CADM2: variants seen among roughly 807,000 people sequenced by gnomAD.
The protein encoded by CADM2 is immunoglobulin superfamily member 4D.
CADM2 carries 12 observed loss-of-function variants against 49.8 expected under a neutral mutation model. The observed-to-expected ratio is 0.24, with a 90% confidence interval of 0.15 to 0.39. CADM2 has a LOEUF of 0.39. Among genes scored for constraint, CADM2 ranks in the 10% least tolerant of loss-of-function variants. The probability of loss-of-function intolerance (pLI) is 1.00; values close to 1 mark genes in which losing one functional copy is unlikely to be tolerated. For synonymous variants in CADM2, 214 were observed against 175.4 expected, an observed-to-expected ratio of 1.22 and a Z score of -1.74; for missense variants, 378 against 492.3, an observed-to-expected ratio of 0.77 and a Z score of 2.20.
chr3:85,580,834 G>A (rs2107293606), intron 1 of CADM2, among the ~76,000 whole-genome samples: 1 of 152,140 alleles, frequency 6.6e-6, no homozygotes, highest in Non-Finnish European at 1.5e-5. Flanking sequence ...TTTCACTTGT[G>A]ATAATTAAGT....
intron 1 of CADM2, among the ~76,000 whole-genome samples, chr3:85,370,225 A>AATAATC (rs2033116509): frequency 6.9e-6 from 1 of 144,788 alleles, no homozygotes; most frequent in African/African-American, 2.5e-5. Flanking sequence ...AAATAATAAT[A>AATAATC]ATAATAATAA....
chr3:85,066,110 A>G (rs2036520720), intron 1 of CADM2, among the ~76,000 whole-genome samples: 1 of 152,154 alleles, frequency 6.6e-6, no homozygotes, highest in African/African-American at 2.4e-5. Context: ...CGTAAGAGAC[A>G]CAGAGCAACC....
chr3:85,927,268 G>A (rs929028904), intron 6 of CADM2, among the ~76,000 whole-genome samples: 3 of 152,040 alleles, frequency 2.0e-5, no homozygotes, highest in African/African-American at 7.2e-5. Flanking sequence ...TTACTTAATT[G>A]AGGTCCAGTA....
chr3:85,393,659 T>C (rs1011069677), intron 1 of CADM2, among the ~76,000 whole-genome samples: 2 of 152,122 alleles, frequency 1.3e-5, no homozygotes, highest in African/African-American at 4.8e-5. Flanking sequence ...AATATTGAAC[T>C]TGTCTTTAAA....
At chr3:85,120,133 G>A (rs1370930778) in intron 1 of CADM2, among the ~76,000 whole-genome samples, 1 of 152,182 alleles carries the variant, frequency 6.6e-6, no homozygotes, top group Non-Finnish European at 1.5e-5. Context: ...AAACCACAAT[G>A]AGATATCATC....
intron 1 of CADM2, among the ~76,000 whole-genome samples, chr3:85,504,089 G>A (rs2040220959): frequency 6.6e-6 from 1 of 152,146 alleles, no homozygotes; most frequent in Admixed American, 6.5e-5. Context: ...TGACCCTCGC[G>A]GTGAGTGTTA....
chr3:84,994,751 GGGC>G (rs2033082935), intron 1 of CADM2, among the ~76,000 whole-genome samples: 1 of 152,110 alleles, frequency 6.6e-6, no homozygotes, highest in Non-Finnish European at 1.5e-5. Flanking sequence ...GTGTTCGGCT[GGGC>G]GTGGTGCCTC....
chr3:85,244,430 A>G lies in CADM2; in HGVS notation c.61+284762A>G, dbSNP rs557809250. ...TCTTTCTATTTATATGTATTTGAGAACTTCAGGTTAAATAACATTAGATAA... is the reference window on the plus strand; with the variant it reads ...TCTTTCTATTTATATGTATTTGAGAGCTTCAGGTTAAATAACATTAGATAA... On this transcript the variant is annotated intron_variant, in intron 1 of 9. Coordinates refer to ENST00000383699, the MANE Select transcript of CADM2 (RefSeq NM_001167675.2). Among the ~76,000 whole-genome samples, 3 of 152,320 alleles carry G rather than the reference A, an allele frequency of 2.0e-5. No homozygotes were observed. In the East Asian group the frequency reaches 5.8e-4, roughly 29 times the overall value.
At chr3:85,700,688 T>G (rs545864469) in intron 1 of CADM2, among the ~76,000 whole-genome samples, 8 of 152,270 alleles carry the variant, frequency 5.3e-5, no homozygotes, top group Non-Finnish European at 1.0e-4. Flanking sequence ...GCTTCTTTGC[T>G]AAAATGTATT....
intron 1 of CADM2, among the ~76,000 whole-genome samples, chr3:85,400,035 A>T (rs1559820470): frequency 6.6e-6 from 1 of 152,132 alleles, no homozygotes; most frequent in African/African-American, 2.4e-5. Flanking sequence ...CCAGTTTTCA[A>T]AGGCAATGCT....
intron 5 of CADM2, among the ~76,000 whole-genome samples, chr3:85,903,518 C>A (rs1288936029): frequency 1.3e-5 from 2 of 152,016 alleles, no homozygotes; most frequent in South Asian, 4.2e-4. Flanking sequence ...GATATGCTAC[C>A]CAACTACCTT....
chr3:85,545,414 A>C (rs1449625149), intron 1 of CADM2, among the ~76,000 whole-genome samples: 1 of 152,198 alleles, frequency 6.6e-6, no homozygotes, highest in African/African-American at 2.4e-5. Flanking sequence ...TATATAGGAA[A>C]ATTTTAGCTT....
chr3:85,431,125 C>A (rs997482723), intron 1 of CADM2, among the ~76,000 whole-genome samples: 3 of 152,052 alleles, frequency 2.0e-5, no homozygotes, highest in Non-Finnish European at 4.4e-5. Context: ...GTTACACTTG[C>A]CTACAATGTT....
At chr3:85,445,696 T>C (rs968154738) in intron 1 of CADM2, among the ~76,000 whole-genome samples, 1 of 151,854 alleles carries the variant, frequency 6.6e-6, no homozygotes, top group African/African-American at 2.4e-5. Flanking sequence ...GAATTAATAG[T>C]GGGAGGGACA....
chr3:85,705,230 TGA>T (rs1491585905), intron 1 of CADM2, among the ~76,000 whole-genome samples: 3 of 116,130 alleles, frequency 2.6e-5, no homozygotes, highest in South Asian at 3.1e-4. Context: ...GTTTTCATCA[TGA>T]AAAAAAAAAA....
chr3:86,045,468 G>C (rs529698369), intron 8 of CADM2, among the ~76,000 whole-genome samples: 1 of 152,040 alleles, frequency 6.6e-6, no homozygotes, highest in African/African-American at 2.4e-5. Flanking sequence ...GAAAAGAGTT[G>C]ATAAATGCAC....
intron 2 of CADM2, among the ~76,000 whole-genome samples, chr3:85,759,023 T>A (rs1257373779): frequency 6.6e-6 from 1 of 152,120 alleles, no homozygotes; most frequent in Admixed American, 6.6e-5. Flanking sequence ...ATAATGCTAT[T>A]GCACATGTAG....
chr3:86,053,190 A>C (rs549182091), intron 8 of CADM2, among the ~76,000 whole-genome samples: 1 of 152,316 alleles, frequency 6.6e-6, no homozygotes, highest in African/African-American at 2.4e-5. Flanking sequence ...GTGACATTCT[A>C]AGTTGGTTTC....
At chr3:85,289,704 A>T (rs987401391) in intron 1 of CADM2, among the ~76,000 whole-genome samples, 1 of 152,192 alleles carries the variant, frequency 6.6e-6, no homozygotes, top group African/African-American at 2.4e-5. Context: ...TTCAAATTTT[A>T]AAATTTATTA....
Sources: allele counts gnomAD v4.1 joint callset (sites outside exome capture counted in the v4.1 genomes callset), GRCh38; gene constraint gnomAD v4.1.1; transcripts MANE v1.5; gene names NCBI Gene and HGNC (gene_info 2026-07-23, HGNC 2026-07-21).